The following DLG2 variants were observed in gnomAD, a reference collection of about 807,000 sequenced individuals.
DLG2 encodes disks large homolog 2.
A neutral mutation model predicts 132.5 loss-of-function variants in DLG2; 45 were observed. The observed-to-expected ratio is 0.34, with a 90% CI of 0.27 to 0.44. The LOEUF is 0.44. Among genes scored for constraint, DLG2 ranks in the 20% least tolerant of loss-of-function variants. DLG2 has a pLI of 1.00. For missense variants in DLG2, 1,045 were observed against 1,196.9 expected (o/e 0.87, Z 1.87); for synonymous variants, 424 against 419.6 (o/e 1.01, Z -0.13).
At chr11:85,169,593 C>A (rs1422845554) in intron 4 of DLG2, among the ~76,000 whole-genome samples, 1 of 152,082 alleles carries the variant, frequency 6.6e-6, no homozygotes, top group Non-Finnish European at 1.5e-5. Context: ...AAGAACAGAT[C>A]ATCATTTGTG....
At chr11:85,447,485 T>C (rs1488172316) in intron 3 of DLG2, among the ~76,000 whole-genome samples, 1 of 152,098 alleles carries the variant, frequency 6.6e-6, no homozygotes, top group Non-Finnish European at 1.5e-5. Context: ...GAAGACCATA[T>C]GACAATACAA....
intron 6 of DLG2, among the ~76,000 whole-genome samples, chr11:84,618,840 T>C (rs374495884): frequency 6.6e-6 from 1 of 152,032 alleles, no homozygotes; most frequent in African/African-American, 2.4e-5. Context: ...CTTTAGATAT[T>C]AAGATTATCA....
intron 17 of DLG2, among the ~76,000 whole-genome samples, chr11:83,791,761 C>G (rs1202891548): frequency 6.6e-6 from 1 of 152,154 alleles, no homozygotes; most frequent in South Asian, 2.1e-4. Context: ...TAGGGAAGAG[C>G]CCGTCTCCGA....
intron 6 of DLG2, among the ~76,000 whole-genome samples, chr11:84,932,528 A>G (rs1353322070): frequency 6.6e-6 from 1 of 152,040 alleles, no homozygotes; most frequent in Non-Finnish European, 1.5e-5. Context: ...ACCACACAAC[A>G]GGCCCTGGTG....
intron 3 of DLG2, among the ~76,000 whole-genome samples, chr11:85,351,499 G>A (rs557942226): frequency 6.6e-6 from 1 of 152,308 alleles, no homozygotes; most frequent in South Asian, 2.1e-4. Flanking sequence ...AGTTTTCAAA[G>A]GGAATGCTTC....
chr11:84,850,619 A>G (rs1201171723), intron 6 of DLG2, among the ~76,000 whole-genome samples: 3 of 152,140 alleles, frequency 2.0e-5, no homozygotes, highest in South Asian at 4.1e-4. Flanking sequence ...ACTTAACTCT[A>G]TTTGCAGATG....
At chr11:83,991,430 A>G (rs1240425612) in intron 11 of DLG2, among the ~76,000 whole-genome samples, 1 of 152,104 alleles carries the variant, frequency 6.6e-6, no homozygotes. Flanking sequence ...ACATTTCTAT[A>G]CCTATCCTTT....
chr11:83,466,241 C>A (rs1311191957), intron 26 of DLG2, among the ~76,000 whole-genome samples: 2 of 151,668 alleles, frequency 1.3e-5, no homozygotes, highest in African/African-American at 4.9e-5. Context: ...ACGTTGTCTG[C>A]TCTCTCTATA....
chr11:84,277,903 T>A (rs900578140), intron 7 of DLG2, among the ~76,000 whole-genome samples: 1 of 152,170 alleles, frequency 6.6e-6, no homozygotes, highest in African/African-American at 2.4e-5. Context: ...AGGAAATCTT[T>A]ATGTATGTAG....
chr11:85,437,024 A>C (rs1378043128), intron 3 of DLG2, among the ~76,000 whole-genome samples: 1 of 152,222 alleles, frequency 6.6e-6, no homozygotes, highest in Non-Finnish European at 1.5e-5. Flanking sequence ...GCTGGAAGAC[A>C]TCATTCTCAG....
intron 8 of DLG2, among the ~76,000 whole-genome samples, chr11:84,221,445 C>G (rs1444332179): frequency 6.6e-6 from 1 of 151,974 alleles, no homozygotes; most frequent in African/African-American, 2.4e-5. Context: ...GTCTGGGCAA[C>G]AGAGTGAGAT....
chr11:84,379,170 A>C (rs945041249), intron 7 of DLG2, among the ~76,000 whole-genome samples: 1 of 152,168 alleles, frequency 6.6e-6, no homozygotes, highest in Non-Finnish European at 1.5e-5. Flanking sequence ...ATTTTCAAGA[A>C]AGTGAATCAT....
chr11:84,321,174 T>C (rs868339380), intron 7 of DLG2, among the ~76,000 whole-genome samples: 2 of 152,198 alleles, frequency 1.3e-5, no homozygotes, highest in Non-Finnish European at 2.9e-5. Flanking sequence ...AGTATTTGTA[T>C]ACTTGTCTGT....
At chr11:83,574,229 G>A (rs2096841311) in intron 19 of DLG2, among the ~76,000 whole-genome samples, 1 of 152,056 alleles carries the variant, frequency 6.6e-6, no homozygotes, top group African/African-American at 2.4e-5. Context: ...GACAGTGTCT[G>A]TCTTTTGCAG....
chr11:84,041,234 G>C (rs1275787144), intron 11 of DLG2, among the ~76,000 whole-genome samples: 1 of 151,864 alleles, frequency 6.6e-6, no homozygotes, highest in East Asian at 1.9e-4. Context: ...TTCGATTTTT[G>C]CCACTGGAAA....
chr11:85,067,463 C>T (rs938098951), intron 6 of DLG2, among the ~76,000 whole-genome samples: 2 of 151,772 alleles, frequency 1.3e-5, no homozygotes, highest in Non-Finnish European at 1.5e-5. Context: ...ATCTTTCCTG[C>T]TTTCTCTTGT....
At chr11:83,978,584 A>T (rs1039535116) in intron 12 of DLG2, among the ~76,000 whole-genome samples, 1 of 152,120 alleles carries the variant, frequency 6.6e-6, no homozygotes, top group Non-Finnish European at 1.5e-5. Context: ...ACAAACAAAC[A>T]AACAAAAATT....
chr11:84,458,009 T>C (rs2099070008), intron 7 of DLG2, among the ~76,000 whole-genome samples: 1 of 150,852 alleles, frequency 6.6e-6, no homozygotes, highest in South Asian at 2.1e-4. Flanking sequence ...GTTATCTACG[T>C]AAATGATAGT....
intron 6 of DLG2, among the ~76,000 whole-genome samples, chr11:85,041,360 T>C (rs2061849830): frequency 6.6e-6 from 1 of 151,970 alleles, no homozygotes; most frequent in South Asian, 2.1e-4. Flanking sequence ...AAGTTTCTGC[T>C]TCATCAGCCT....
Sources: allele counts gnomAD v4.1 joint callset (sites outside exome capture counted in the v4.1 genomes callset), GRCh38; gene constraint gnomAD v4.1.1; transcripts MANE v1.5; gene names NCBI Gene and HGNC (gene_info 2026-07-23, HGNC 2026-07-21).